Variants in COBL observed in about 807,000 individuals in gnomAD.
COBL encodes protein cordon-bleu.
COBL carries 51 observed loss-of-function variants against 98.8 expected under a neutral mutation model. The observed-to-expected ratio is 0.52, with a 90% confidence interval of 0.41 to 0.65. The LOEUF (loss-of-function observed/expected upper bound fraction) is 0.65, where lower values mean the gene tolerates loss of function less well. COBL is among the 30% of genes least tolerant of loss of function. COBL has a pLI of 0.00. For synonymous variants in COBL, 634 were observed against 651.7 expected, an observed-to-expected ratio of 0.97 and a Z score of 0.41; for missense variants, 1,617 against 1,617.5, an observed-to-expected ratio of 1.00 and a Z score of 0.01.
At chr7:51,036,783 T>C (rs1311703315) in intron 8 of COBL, among the ~76,000 whole-genome samples, 2 of 152,292 alleles carry the variant, frequency 1.3e-5, no homozygotes, top group Admixed American at 1.3e-4. Context: ...GCTCTGCATA[T>C]GATTTCAGTT....
intron 2 of COBL, among the ~76,000 whole-genome samples, chr7:51,208,203 CGTCT>C (rs1791976999): frequency 1.3e-5 from 2 of 149,880 alleles, no homozygotes; most frequent in Non-Finnish European, 3.0e-5. Flanking sequence ...GCAACCGCCC[CGTCT>C]GAGAAGTGAG....
intron 1 of COBL, among the ~76,000 whole-genome samples, chr7:51,253,192 C>G (rs1372170481): frequency 6.6e-6 from 1 of 152,080 alleles, no homozygotes; most frequent in Non-Finnish European, 1.5e-5. Context: ...CCACTGCACT[C>G]CAGTCTGGGC....
At chr7:51,049,223 G>C (rs1790008177) in intron 7 of COBL, among the ~76,000 whole-genome samples, 1 of 152,192 alleles carries the variant, frequency 6.6e-6, no homozygotes, top group Non-Finnish European at 1.5e-5. Context: ...TTATCTGCTT[G>C]ATCTTATACC....
At chr7:51,176,369 T>C (rs55731433) in intron 5 of COBL, among the ~76,000 whole-genome samples, 7,810 of 152,192 alleles carry the variant, frequency 0.051, 279 homozygotes, top group Middle Eastern at 0.14. Flanking sequence ...GGTAACTTAA[T>C]GAATAACTGA....
chr7:51,028,824 C>T lies in COBL; in HGVS notation c.2272G>A (p.Glu758Lys). 6.2e-7 allele frequency: 1 copy of T among 1,614,238 alleles called. No homozygotes were observed. Among genetic ancestry groups the T allele is most frequent in the Non-Finnish European group, 8.5e-7 (1 of 1,180,048 alleles). ...RIISLSSSVPEAESQPIGKVR... is the reference protein window; with the variant it reads ...RIISLSSSVPKAESQPIGKVR... ...TTCCCAATGGGCTGAGATTCTGCTT[C>T]AGGCACAGACGAAGACAGGGAAATG... Residue 758 changes from glutamate to lysine, a missense_variant, in exon 10 of 13, where the codon GAA becomes AAA. By Grantham distance (56) the Glu-to-Lys change is moderately conservative. Coordinates refer to ENST00000265136, the MANE Select transcript of COBL (RefSeq NM_015198.5).
chr7:51,187,062 G>A (rs1789594693), intron 4 of COBL, among the ~76,000 whole-genome samples: 1 of 152,130 alleles, frequency 6.6e-6, no homozygotes, highest in South Asian at 2.1e-4. Context: ...CACACAGTCT[G>A]CAAGAAAGTT....
At chr7:51,026,783 A>C in intron 10 of COBL, 118 bp from the exon 11 acceptor site, 3 of 1,258,398 alleles carry the variant, frequency 2.4e-6, no homozygotes, top group Non-Finnish European at 3.3e-6. Context: ...CTGTAATCCC[A>C]TCTACTCGGG....
chr7:51,063,762 C>T (rs979406120), intron 7 of COBL, among the ~76,000 whole-genome samples: 11 of 152,166 alleles, frequency 7.2e-5, no homozygotes, highest in Admixed American at 3.3e-4. Flanking sequence ...TTTTAATGCA[C>T]GATCTTCTGC....
Position 51,219,742 on chromosome 7 carries a change from T to G in COBL, c.244A>C (p.Ser82Arg). The change falls in exon 2 of 13, where the codon AGC (serine) becomes CGC (arginine). Residue 82 changes from serine to arginine, a missense_variant and splice_region_variant. Ser to Arg is a moderately radical substitution (Grantham distance 110, BLOSUM62 -1). Around this residue, in one of 3 missense-constraint regions of COBL, gnomAD observed 238 missense variants for 215.0 expected, o/e 1.11. Transcript: ENST00000265136. ...TCCTCCTGCAGCACCGGCTCTCACC[T>G]CCCATTGAGCACGCTCCTCTTCTCC... ...GLEKRSVLNG[S>R]HAMMDLLVEL... 6.2e-7 allele frequency: 1 copy of G among 1,613,294 alleles called. No individual in the cohort carries two copies. Among genetic ancestry groups the G allele is most frequent in the Non-Finnish European group, 8.5e-7 (1 of 1,179,548 alleles).
intron 5 of COBL, among the ~76,000 whole-genome samples, chr7:51,140,878 T>C (rs1799677004): frequency 6.6e-6 from 1 of 152,226 alleles, no homozygotes; most frequent in Admixed American, 6.5e-5. Context: ...GCTGAGCATG[T>C]TCAACGTAAA....
At position 51,027,988 on chromosome 7, in the gene COBL, C is replaced by T; in HGVS notation, c.3108G>A (p.Leu1036=). The T allele has an allele frequency of 6.2e-7, 1 of 1,603,770 alleles. No individual in the cohort carries two copies. The part of the protein sequence containing the change: ...TSDTQACSRE[L]VNGSVRAPGH... The stretch of plus-strand genomic sequence containing the variant: ...CTGGGGCGCGCACAGAGCCATTGAC[C>T]AGCTCCCTGCTGCAGGCCTGAGTGT... The change falls in exon 10 of 13, where the codon CTG becomes CTA. Residue 1036 remains leucine (L), a synonymous_variant. Coordinates refer to ENST00000265136, the MANE Select transcript of COBL (RefSeq NM_015198.5).
At chr7:51,127,132 C>T (rs888265256) in intron 6 of COBL, among the ~76,000 whole-genome samples, 2 of 152,164 alleles carry the variant, frequency 1.3e-5, no homozygotes, top group South Asian at 4.2e-4. Flanking sequence ...TCAACCTCGT[C>T]GCTTGTGGTC....
At chr7:51,128,305 T>A (rs1371826901) in intron 6 of COBL, among the ~76,000 whole-genome samples, 1 of 152,014 alleles carries the variant, frequency 6.6e-6, no homozygotes, top group Non-Finnish European at 1.5e-5. Flanking sequence ...GCTGTGAGGG[T>A]TAGATCTAAC....
intron 5 of COBL, among the ~76,000 whole-genome samples, chr7:51,177,018 G>A (rs1788437915): frequency 1.3e-5 from 2 of 152,268 alleles, no homozygotes; most frequent in South Asian, 4.1e-4. Flanking sequence ...ATTTAATTTA[G>A]AGATTTTTGC....
At chr7:51,219,628 G>A (rs1029163654) in intron 2 of COBL, 113 bp downstream of exon 2, 1 of 1,128,430 alleles carries the variant, frequency 8.9e-7, no homozygotes, top group East Asian at 2.4e-5. Context: ...TGAGGTTCCT[G>A]AGGTCAGACC....
intron 5 of COBL, among the ~76,000 whole-genome samples, chr7:51,175,193 C>T (rs2129046291): frequency 6.6e-6 from 1 of 152,330 alleles, no homozygotes; most frequent in Non-Finnish European, 1.5e-5. Flanking sequence ...GCAGGTAGGT[C>T]AAGGTATTGG....
intron 6 of COBL, among the ~76,000 whole-genome samples, chr7:51,089,514 T>TA (rs10715066): frequency 2.6e-5 from 4 of 151,466 alleles, no homozygotes; most frequent in South Asian, 2.1e-4. Context: ...GACTCCGTCT[T>TA]AAAAAAAAAC....
At chr7:51,196,056 G>T (rs575604637) in intron 2 of COBL, among the ~76,000 whole-genome samples, 2 of 152,190 alleles carry the variant, frequency 1.3e-5, no homozygotes, top group South Asian at 4.1e-4. Context: ...TGGTGAGAGG[G>T]GGCATCCTTG....
At chr7:51,037,512 C>T (rs776079264) in intron 8 of COBL, among the ~76,000 whole-genome samples, 14 of 152,216 alleles carry the variant, frequency 9.2e-5, no homozygotes, top group East Asian at 5.8e-4. Flanking sequence ...AGATGCCTTT[C>T]GGAAGAGTCT....
Sources: allele counts gnomAD v4.1 joint callset (sites outside exome capture counted in the v4.1 genomes callset), GRCh38; gene constraint gnomAD v4.1.1; regional missense constraint gnomAD v4.1.1; transcripts MANE v1.5; gene names NCBI Gene and HGNC (gene_info 2026-07-23, HGNC 2026-07-21).